Variants in OAT observed in about 807,000 individuals in gnomAD.
The protein encoded by OAT is ornithine aminotransferase.
In OAT, 35 loss-of-function variants were observed where a neutral mutation model predicts 48.4. The ratio of observed to expected loss-of-function variants is 0.72; its 90% confidence interval spans 0.55 to 0.96. OAT has a LOEUF of 0.96. Ranked by LOEUF, OAT falls within the 40% of genes least tolerant of loss-of-function variation. The pLI is 0.00. For missense variants in OAT, 438 were observed against 537.9 expected, an observed-to-expected ratio of 0.81 and a Z score of 1.84; for synonymous variants, 182 against 198.4, an observed-to-expected ratio of 0.92 and a Z score of 0.70.
intron 6 of OAT, 39 bp downstream of exon 6, chr10:124,403,759 T>C (rs562998739): frequency 1.9e-6 from 3 of 1,613,418 alleles, no homozygotes; most frequent in East Asian, 4.5e-5. Context: ...AACAGCTAAC[T>C]CGACATTCAG....
At chr10:124,418,746 C>A in intron 1 of OAT, 127 bp downstream of exon 1, 1 of 152,354 alleles carries the variant, frequency 6.6e-6, no homozygotes, top group South Asian at 2.0e-4. Flanking sequence ...CCAGCGCGCC[C>A]CCTCAGCCAG....
chr10:124,411,940 A>G, intron 2 of OAT, 33 bp downstream of exon 2: 7 of 1,601,986 alleles, frequency 4.4e-6, no homozygotes, highest in South Asian at 1.1e-5. Flanking sequence ...AGGTTTCAAG[A>G]AAAGGGAAAA....
chr10:124,418,760 C>G (rs1041781588), intron 1 of OAT, 113 bp downstream of exon 1: 2 of 152,192 alleles, frequency 1.3e-5, no homozygotes, highest in African/African-American at 4.8e-5. Flanking sequence ...CAGCCAGCAT[C>G]CCCCGAACCC....
rs1228690388 is a variant in OAT, at chr10:124,397,563, A to C, written c.*379T>G. The C allele has an allele frequency of 5.2e-6, 1 of 191,510 alleles. No individual in the cohort carries two copies. Among genetic ancestry groups the C allele is most frequent in the Admixed American group, 5.4e-5 (1 of 18,366 alleles). 11.9% of individuals were successfully genotyped at this position (191,510 alleles called of 1,614,324 possible). On this transcript the variant is annotated 3_prime_UTR_variant, in exon 10 of 10. Transcript: ENST00000368845. ...TTCACTTTATAAGATGAAGCCTTTTATGCAATACCCAGAGATAACTTTTTC... is the reference window on the plus strand; with the variant it reads ...TTCACTTTATAAGATGAAGCCTTTTCTGCAATACCCAGAGATAACTTTTTC...
Position 124,407,550 on chromosome 10 carries a change from A to G in OAT, c.520+992T>C, listed in dbSNP as rs1951619835. On this transcript the variant is annotated intron_variant, in intron 4 of 9. Transcript: ENST00000368845. Reference sequence around the variant, plus strand: ...TAAGATTTCTTCTTTGGGAATACCAATCTGTCCCCTCAAATACCAATCACC... The same window carrying G: ...TAAGATTTCTTCTTTGGGAATACCAGTCTGTCCCCTCAAATACCAATCACC... The G allele has an allele frequency of 8.4e-6, 5 of 595,378 alleles. No homozygotes were observed. In the African/African-American group the frequency reaches 1.0e-4, roughly 12 times the overall value. The allele number at this position is 595,378 out of a possible 1,614,324, so 36.9% of individuals were successfully genotyped here.
intron 8 of OAT, among the ~76,000 whole-genome samples, 156 bp downstream of exon 8, chr10:124,401,570 G>A (rs1245366726): frequency 6.6e-6 from 1 of 152,160 alleles, no homozygotes; most frequent in Non-Finnish European, 1.5e-5. Context: ...ATTACTTTTT[G>A]AGAATATCTT....
At position 124,406,759 on chromosome 10, in the gene OAT, T is replaced by C. The variant is rs535756752; in HGVS notation, c.521-1196A>G. 2.0e-4 allele frequency among the ~76,000 whole-genome samples: 27 copies of C among 137,030 alleles called. 1 individual carries two copies. In the South Asian group the frequency reaches 5.6e-3, roughly 28 times the overall value. The allele number at this position is 137,030 out of a possible 152,430, so 89.9% of individuals were successfully genotyped here. A position where few individuals can be genotyped will look rare whatever the true frequency, so the allele number is the denominator to read the frequency against. ...TGAACCCTGGAGGCAGAGGTTACAG[T>C]GAGCCAGACTGCAGACTAGGTGACA... On this transcript the variant is annotated intron_variant, in intron 4 of 9. Transcript: ENST00000368845.
intron 6 of OAT, chr10:124,403,449 T>C: frequency 2.4e-6 from 1 of 413,884 alleles, no homozygotes; most frequent in Non-Finnish European, 4.5e-6. Flanking sequence ...ATACTACTAT[T>C]AGCCCTGGGG....
intron 2 of OAT, among the ~76,000 whole-genome samples, chr10:124,411,266 A>G (rs940337270): frequency 1.3e-5 from 2 of 152,084 alleles, no homozygotes; most frequent in Non-Finnish European, 2.9e-5. Flanking sequence ...TGAACACACT[A>G]AGACCAAAGC....
At chr10:124,412,930 C>T (rs1437206825) in intron 1 of OAT, among the ~76,000 whole-genome samples, 1 of 152,164 alleles carries the variant, frequency 6.6e-6, no homozygotes, top group Non-Finnish European at 1.5e-5. Flanking sequence ...GAGACAGCTA[C>T]AACTGTAGGG....
rs1448323626 is a variant in OAT at position 124,397,879 on chromosome 10, GC to G, written c.*62del. ...GGAATGTGCCCACATTAGGAATAAA[GC>G]TTTTACAGGACCACCTGTCTCCAGC... On this transcript the variant is annotated 3_prime_UTR_variant, in exon 10 of 10. Transcript: ENST00000368845. The G allele has an allele frequency of 1.2e-6, 2 of 1,602,896 alleles. No individual in the cohort carries two copies. Among genetic ancestry groups the G allele is most frequent in the African/African-American group, 1.3e-5 (1 of 74,732 alleles).
intron 1 of OAT, among the ~76,000 whole-genome samples, chr10:124,417,776 A>G (rs899021970): frequency 1.3e-5 from 2 of 152,260 alleles, no homozygotes; most frequent in Non-Finnish European, 2.9e-5. Flanking sequence ...CAATCCCAGA[A>G]GGAGAAATTT....
Position 124,398,110 on chromosome 10 carries a change from A to G in OAT, c.1160-8T>C. The G allele has an allele frequency of 6.2e-7, 1 of 1,614,012 alleles. No individual in the cohort carries two copies. Among genetic ancestry groups the G allele is most frequent in the Non-Finnish European group, 8.5e-7 (1 of 1,179,974 alleles). ...CCTTCCAAGCATCCCAATCTAAAGA[A>G]AAATAGTAAAACGTACATGCTCAAA... On this transcript the variant is annotated splice_polypyrimidine_tract_variant and splice_region_variant and intron_variant, in intron 9 of 9. Coordinates refer to ENST00000368845, the MANE Select transcript of OAT (RefSeq NM_000274.4).
At chr10:124,403,359 C>T (rs983210946) in intron 6 of OAT, 8 of 494,794 alleles carry the variant, frequency 1.6e-5, no homozygotes, top group South Asian at 1.1e-4. Flanking sequence ...ACCTAACTAC[C>T]CTCTGGGAAC....
intron 4 of OAT, chr10:124,407,261 C>A (rs1362431018): frequency 4.1e-6 from 4 of 985,350 alleles, no homozygotes; most frequent in East Asian, 2.3e-4. Context: ...GCCTCAGGAA[C>A]CTCATCCTCA....
At chr10:124,413,351 T>C (rs1489881490) in intron 1 of OAT, among the ~76,000 whole-genome samples, 1 of 151,602 alleles carries the variant, frequency 6.6e-6, no homozygotes, top group Admixed American at 6.6e-5. Flanking sequence ...TCTGCTAGGA[T>C]GGTTGTTTCT....
At chr10:124,411,834 A>G in intron 2 of OAT, 139 bp downstream of exon 2, 1 of 673,628 alleles carries the variant, frequency 1.5e-6, no homozygotes. Context: ...AAAAAAAAAA[A>G]GAAGAAGAAG....
chr10:124,398,909 C>T (rs188488383), intron 9 of OAT, among the ~76,000 whole-genome samples: 15 of 152,054 alleles, frequency 9.9e-5, no homozygotes, highest in African/African-American at 3.6e-4. Flanking sequence ...CCCAGCTACT[C>T]AGGAGGCTGA....
chr10:124,413,301 CACACACACAT>C (rs1390914760), intron 1 of OAT, among the ~76,000 whole-genome samples: 69 of 144,158 alleles, frequency 4.8e-4, no homozygotes, highest in African/African-American at 1.1e-3. Flanking sequence ...CACACACACA[CACACACACAT>C]ATATGAGATT....
Sources: allele counts gnomAD v4.1 joint callset (sites outside exome capture counted in the v4.1 genomes callset), GRCh38; gene constraint gnomAD v4.1.1; transcripts MANE v1.5; gene names NCBI Gene and HGNC (gene_info 2026-07-23, HGNC 2026-07-21).